The following COLEC12 variants were observed in gnomAD, a reference collection of about 807,000 sequenced individuals.
The protein encoded by COLEC12 is collectin subfamily member 12.
In COLEC12, 33 loss-of-function variants were observed where a neutral mutation model predicts 71.1. The observed-to-expected ratio is 0.46, with a 90% CI of 0.35 to 0.62. COLEC12 has a LOEUF of 0.62. Ranked by LOEUF, COLEC12 falls within the 20% of genes least tolerant of loss-of-function variation. COLEC12 has a pLI of 0.00. For synonymous variants in COLEC12, 350 were observed against 353.0 expected, an observed-to-expected ratio of 0.99 and a Z score of 0.10; for missense variants, 765 against 916.1, an observed-to-expected ratio of 0.84 and a Z score of 2.13.
chr18:455,587 T>C (rs1446924561), intron 2 of COLEC12, among the ~76,000 whole-genome samples: 2 of 152,090 alleles, frequency 1.3e-5, no homozygotes, highest in East Asian at 1.9e-4. Flanking sequence ...CATCAACCCA[T>C]CATCTAGGTT....
At chr18:357,149 G>A (rs1567883025) in intron 3 of COLEC12, among the ~76,000 whole-genome samples, 1 of 151,838 alleles carries the variant, frequency 6.6e-6, no homozygotes, top group East Asian at 1.9e-4. Flanking sequence ...AGCAACAAGG[G>A]AAAAAAAACT....
At chr18:345,855 A>G (rs940688154) in intron 5 of COLEC12, among the ~76,000 whole-genome samples, 22 of 152,220 alleles carry the variant, frequency 1.4e-4, no homozygotes, top group Admixed American at 1.3e-4. Context: ...TTAGTGACTT[A>G]TTTCTAAGAA....
In COLEC12 at chr18:500,693, C is replaced by T. The variant is rs1434922348; in HGVS notation, c.-179G>A. Reference sequence around the variant, plus strand: ...CGCGCTCCCCGCGCTCCCGGCTCCGCGCTCTGCTGCCTCGGGGCTGCCGCG... The same window carrying T: ...CGCGCTCCCCGCGCTCCCGGCTCCGTGCTCTGCTGCCTCGGGGCTGCCGCG... On this transcript the variant is annotated 5_prime_UTR_variant, in exon 1 of 10. Coordinates refer to ENST00000400256, the MANE Select transcript of COLEC12 (RefSeq NM_130386.3). This position sits in a 1 kb window ranked among gnomAD's most constrained non-coding sequence, Gnocchi z 5.3. 9 of 239,286 alleles carry T rather than the reference C, an allele frequency of 3.8e-5. No individual in the cohort carries two copies. The highest frequency in any genetic ancestry group is 5.6e-5 in the Non-Finnish European group (8 of 141,918). 14.8% of individuals were successfully genotyped at this position (239,286 alleles called of 1,614,324 possible). A position where few individuals can be genotyped will look rare whatever the true frequency, so the allele number is the denominator to read the frequency against.
intron 2 of COLEC12, among the ~76,000 whole-genome samples, chr18:450,623 A>G (rs1916742664): frequency 6.6e-6 from 1 of 152,200 alleles, no homozygotes; most frequent in Non-Finnish European, 1.5e-5. Flanking sequence ...AGTCTCAGGT[A>G]TTTCTTTATA....
In COLEC12 at chr18:334,753, G is replaced by C. The variant is rs202095805; in HGVS notation, c.1805C>G (p.Pro602Arg). The change falls in exon 6 of 10, where the codon CCG becomes CGG. Residue 602 changes from proline to arginine, a missense_variant. Physicochemically the swap from Pro to Arg is moderately radical, Grantham distance 103. Coordinates refer to ENST00000400256, the MANE Select transcript of COLEC12 (RefSeq NM_130386.3). ...LALQNEPTPA[P>R]EDNGCPPHWK... Reference sequence around the variant, plus strand: ...GGGCTTGGACTTACCATTGTCCTCCGGTGCTGGGGTTGGCTCATTCTGCAG... The same window carrying C: ...GGGCTTGGACTTACCATTGTCCTCCCGTGCTGGGGTTGGCTCATTCTGCAG... 1 of 1,468,976 alleles carries C rather than the reference G, an allele frequency of 6.8e-7. No homozygotes were observed. Among genetic ancestry groups the C allele is most frequent in the Admixed American group, 2.7e-5 (1 of 37,218 alleles). 91.0% of individuals were successfully genotyped at this position (1,468,976 alleles called of 1,614,324 possible).
At chr18:338,019 G>A (rs1018091181) in intron 5 of COLEC12, among the ~76,000 whole-genome samples, 3 of 152,080 alleles carry the variant, frequency 2.0e-5, no homozygotes, top group Non-Finnish European at 4.4e-5. Context: ...CTTAAGCCCA[G>A]CTCTGATCTC....
intron 2 of COLEC12, among the ~76,000 whole-genome samples, chr18:402,227 A>G (rs113809839): frequency 6.6e-6 from 1 of 152,248 alleles, no homozygotes; most frequent in African/African-American, 2.4e-5. Flanking sequence ...TGGGGTTTAT[A>G]TACCCTCTAG....
At chr18:444,573 G>A (rs1473025967) in intron 2 of COLEC12, among the ~76,000 whole-genome samples, 1 of 152,160 alleles carries the variant, frequency 6.6e-6, no homozygotes, top group Non-Finnish European at 1.5e-5. Context: ...CCTCAGAAGT[G>A]GCTTCCAATC....
chr18:497,957 A>T (rs1917743744), intron 1 of COLEC12, among the ~76,000 whole-genome samples: 1 of 152,194 alleles, frequency 6.6e-6, no homozygotes, highest in South Asian at 2.1e-4. Flanking sequence ...ATACAGCACC[A>T]ATTGTGGGTT....
intron 1 of COLEC12, among the ~76,000 whole-genome samples, chr18:486,449 T>C (rs1917519929): frequency 6.6e-6 from 1 of 152,198 alleles, no homozygotes; most frequent in African/African-American, 2.4e-5. Context: ...CCTCCCAAAG[T>C]GCTGGGATTA....
chr18:334,619 C>T, intron 6 of COLEC12, 123 bp downstream of exon 6: 3 of 845,320 alleles, frequency 3.5e-6, no homozygotes, highest in Non-Finnish European at 5.0e-6. Context: ...CAGAGTGAGA[C>T]CCTGTCTCAA....
chr18:381,400 A>T (rs1915228886), intron 2 of COLEC12, among the ~76,000 whole-genome samples: 2 of 152,206 alleles, frequency 1.3e-5, no homozygotes, highest in African/African-American at 2.4e-5. Context: ...CCATGATTTG[A>T]TCATTATACA....
At chr18:468,950 A>T (rs527977243) in intron 2 of COLEC12, among the ~76,000 whole-genome samples, 3 of 152,394 alleles carry the variant, frequency 2.0e-5, no homozygotes, top group East Asian at 3.9e-4. Context: ...TTAAGTGAAC[A>T]TAGCTGCTAT....
chr18:330,008 T>C (rs962119435), intron 8 of COLEC12, among the ~76,000 whole-genome samples: 1 of 152,042 alleles, frequency 6.6e-6, no homozygotes, highest in African/African-American at 2.4e-5. Flanking sequence ...GCTGGGGAGA[T>C]AAGAGGCTGC....
In COLEC12 at chr18:319,811, G is replaced by A; in HGVS notation, c.*234C>T. 1 of 543,986 alleles carries A rather than the reference G, an allele frequency of 1.8e-6. No homozygotes were observed. The highest frequency in any genetic ancestry group is 3.2e-6 in the Non-Finnish European group (1 of 309,704). 33.7% of individuals were successfully genotyped at this position (543,986 alleles called of 1,614,324 possible). A position where few individuals can be genotyped will look rare whatever the true frequency, so the allele number is the denominator to read the frequency against. ...CGGTTACTGACGGAGGAGAATCTAT[G>A]TGATTCAGTCCATGTGCACAATGAA... On this transcript the variant is annotated 3_prime_UTR_variant, in exon 10 of 10. Coordinates refer to ENST00000400256, the MANE Select transcript of COLEC12 (RefSeq NM_130386.3).
At chr18:376,933 G>C (rs1253441548) in intron 2 of COLEC12, among the ~76,000 whole-genome samples, 1 of 152,258 alleles carries the variant, frequency 6.6e-6, no homozygotes, top group Non-Finnish European at 1.5e-5. Flanking sequence ...ATGCAGCAGA[G>C]AATGTAAAGT....
intron 5 of COLEC12, among the ~76,000 whole-genome samples, chr18:339,595 A>G (rs1157627234): frequency 1.3e-5 from 2 of 152,192 alleles, no homozygotes; most frequent in Non-Finnish European, 1.5e-5. Flanking sequence ...CTTTCTCTTA[A>G]TCAGATAAGG....
chr18:476,108 G>A (rs1000665979), intron 2 of COLEC12, among the ~76,000 whole-genome samples: 12 of 152,224 alleles, frequency 7.9e-5, no homozygotes, highest in African/African-American at 2.9e-4. Context: ...ATGCTTCAAA[G>A]AACACACTTA....
intron 2 of COLEC12, among the ~76,000 whole-genome samples, chr18:372,064 T>G (rs764470777): frequency 2.6e-5 from 4 of 152,152 alleles, no homozygotes; most frequent in Admixed American, 6.5e-5. Flanking sequence ...GGTGCCTTTG[T>G]GCAGTACCAA....
Sources: allele counts gnomAD v4.1 joint callset (sites outside exome capture counted in the v4.1 genomes callset), GRCh38; gene constraint gnomAD v4.1.1; non-coding constraint Gnocchi (gnomAD v3.1); transcripts MANE v1.5; gene names NCBI Gene and HGNC (gene_info 2026-07-23, HGNC 2026-07-21).